Variants in CHL1 observed in about 807,000 individuals in gnomAD.
The protein encoded by CHL1 is neural cell adhesion molecule L1-like protein.
CHL1 carries 96 observed loss-of-function variants against 141.9 expected under a neutral mutation model. The observed-to-expected ratio is 0.68, with a 90% CI of 0.57 to 0.80. CHL1 has a LOEUF of 0.80. Among genes scored for constraint, CHL1 ranks in the 30% least tolerant of loss-of-function variants. The probability of loss-of-function intolerance (pLI) is 0.00; values close to 1 mark genes in which losing one functional copy is unlikely to be tolerated. For synonymous variants in CHL1, 613 were observed against 502.2 expected (o/e 1.22, Z -2.95); for missense variants, 1,820 against 1,457.2 (o/e 1.25, Z -4.05).
At chr3:362,900 T>G (rs1212372977) in intron 13 of CHL1, among the ~76,000 whole-genome samples, 1 of 152,206 alleles carries the variant, frequency 6.6e-6, no homozygotes, top group East Asian at 1.9e-4. Flanking sequence ...AATCATTAAC[T>G]AAAGAGTTCA....
intron 13 of CHL1, 138 bp downstream of exon 13, chr3:361,948 A>C: frequency 1.7e-6 from 1 of 600,600 alleles, no homozygotes; most frequent in Non-Finnish European, 3.0e-6. Context: ...AAGGTAACAA[A>C]CTTACCGGTC....
At position 390,773 on chromosome 3, in the gene CHL1, C is replaced by T. The variant is rs1559349927; in HGVS notation, c.2543C>T (p.Thr848Ile). 1 of 1,612,226 alleles carries T rather than the reference C, an allele frequency of 6.2e-7. No individual in the cohort carries two copies. The highest frequency in any genetic ancestry group is 8.5e-7 in the Non-Finnish European group (1 of 1,178,252). The change falls in exon 21 of 28, where the codon ACA becomes ATA. Residue 848 changes from threonine to isoleucine, a missense_variant. Coordinates refer to ENST00000256509, the MANE Select transcript of CHL1 (RefSeq NM_006614.4). ...ACATTAGTTAAAGTTACCTGGTCAA[C>T]AGTTCCAAAGGACAGAGTACATGGA... ...NSTLVKVTWSTVPKDRVHGRL... is the reference protein window; with the variant it reads ...NSTLVKVTWSIVPKDRVHGRL...
chr3:380,894 G>C (rs559267489), intron 16 of CHL1, among the ~76,000 whole-genome samples: 1 of 152,298 alleles, frequency 6.6e-6, no homozygotes, highest in African/African-American at 2.4e-5. Flanking sequence ...GTGAGGCACT[G>C]TGGGCAATGC....
chr3:391,344 T>C (rs1708214206), intron 22 of CHL1, among the ~76,000 whole-genome samples, 185 bp downstream of exon 22: 1 of 152,138 alleles, frequency 6.6e-6, no homozygotes, highest in African/African-American at 2.4e-5. Context: ...GATGAAATCC[T>C]GTCTCTATCA....
At chr3:360,204 G>T in intron 11 of CHL1, 80 bp from the exon 12 acceptor site, 2 of 1,496,290 alleles carry the variant, frequency 1.3e-6, no homozygotes, top group South Asian at 1.2e-5. Flanking sequence ...TATAAATACT[G>T]TGTGACACAT....
intron 2 of CHL1, among the ~76,000 whole-genome samples, chr3:260,559 C>A (rs1031061611): frequency 1.3e-5 from 2 of 152,146 alleles, no homozygotes; most frequent in Admixed American, 1.3e-4. Context: ...CATTCCGATA[C>A]CAGCACGACA....
In CHL1 at chr3:199,846, A is replaced by T. The variant is rs185513039; in HGVS notation, c.-175+2783A>T. 2.1e-3 allele frequency among the ~76,000 whole-genome samples: 320 copies of T among 152,338 alleles called. 3 individuals are homozygous for T. Among genetic ancestry groups the T allele is most frequent in the Admixed American group, 5.1e-3 (78 of 15,300 alleles). On this transcript the variant is annotated intron_variant, in intron 1 of 27. Coordinates refer to ENST00000256509, the MANE Select transcript of CHL1 (RefSeq NM_006614.4). ...TAGCCTGATTCGCTTTTATAGAAAAATAAGGGTAACGATCAAGACTGATTT... is the reference window on the plus strand; with the variant it reads ...TAGCCTGATTCGCTTTTATAGAAAATTAAGGGTAACGATCAAGACTGATTT...
chr3:239,115 C>G (rs553658548), intron 1 of CHL1, among the ~76,000 whole-genome samples: 1 of 152,038 alleles, frequency 6.6e-6, no homozygotes, highest in Non-Finnish European at 1.5e-5. Flanking sequence ...AGGGGGAACC[C>G]GGAGACTGAT....
chr3:283,346 G>C (rs1574953655), intron 2 of CHL1, among the ~76,000 whole-genome samples: 1 of 152,280 alleles, frequency 6.6e-6, no homozygotes, highest in East Asian at 1.9e-4. Context: ...GACATGATTA[G>C]ATAATACCAA....
chr3:213,888 T>G (rs1050153277), intron 1 of CHL1, among the ~76,000 whole-genome samples: 5 of 152,098 alleles, frequency 3.3e-5, no homozygotes, highest in Non-Finnish European at 5.9e-5. Flanking sequence ...TGAAAAAACT[T>G]TCTGATGTGA....
intron 11 of CHL1, among the ~76,000 whole-genome samples, chr3:355,732 C>T (rs1007218989): frequency 6.6e-6 from 1 of 152,056 alleles, no homozygotes; most frequent in African/African-American, 2.4e-5. Flanking sequence ...GTTTTTTAAA[C>T]TGCAAAATGG....
chr3:289,262 G>A (rs991947042), intron 2 of CHL1, among the ~76,000 whole-genome samples: 17 of 152,206 alleles, frequency 1.1e-4, no homozygotes, highest in African/African-American at 3.8e-4. Flanking sequence ...TTATCTTAAA[G>A]ACATAAAAAC....
In CHL1 at chr3:389,423, C is replaced by A; in HGVS notation, c.2419C>A (p.Leu807Ile). Reference sequence around the variant, plus strand: ...TGTCAAGGTCCAGGCTATCAATCAACTAGGATCTGGGCCTGACCCTCAGTC... The same window carrying A: ...TGTCAAGGTCCAGGCTATCAATCAAATAGGATCTGGGCCTGACCCTCAGTC... ...YDVKVQAINQ[L>I]GSGPDPQSVT... Residue 807 changes from leucine to isoleucine, a missense_variant, in exon 20 of 28, where the codon CTA becomes ATA. Physicochemically the swap from Leu to Ile is conservative, Grantham distance 5. Transcript: ENST00000256509. The A allele has an allele frequency of 6.2e-7, 1 of 1,614,224 alleles. No individual in the cohort carries two copies. Among genetic ancestry groups the A allele is most frequent in the Non-Finnish European group, 8.5e-7 (1 of 1,180,050 alleles).
intron 1 of CHL1, among the ~76,000 whole-genome samples, chr3:211,675 G>T (rs1039361061): frequency 1.3e-5 from 2 of 151,972 alleles, no homozygotes; most frequent in African/African-American, 4.8e-5. Context: ...TCACAGTCTT[G>T]CCAAAAAGCA....
chr3:340,257 TG>T (rs780893322), intron 5 of CHL1, among the ~76,000 whole-genome samples: 7 of 152,206 alleles, frequency 4.6e-5, no homozygotes, highest in Non-Finnish European at 1.0e-4. Flanking sequence ...TGGCTCTTTT[TG>T]CAACTTAAAG....
intron 27 of CHL1, among the ~76,000 whole-genome samples, chr3:404,998 G>C (rs578236190): frequency 6.6e-6 from 1 of 152,116 alleles, no homozygotes; most frequent in East Asian, 1.9e-4. Flanking sequence ...TCCTCACATC[G>C]TGAAAGGGGT....
At chr3:234,945 C>T (rs1691808050) in intron 1 of CHL1, among the ~76,000 whole-genome samples, 1 of 152,038 alleles carries the variant, frequency 6.6e-6, no homozygotes. Flanking sequence ...AGGCAGTTTT[C>T]ACATGTATTT....
At chr3:232,048 T>C (rs888141286) in intron 1 of CHL1, among the ~76,000 whole-genome samples, 5 of 152,210 alleles carry the variant, frequency 3.3e-5, no homozygotes, top group African/African-American at 1.2e-4. Flanking sequence ...CTTATCAGTA[T>C]TTGGCAGGAA....
chr3:396,415 G>C (rs1256880867), intron 24 of CHL1, among the ~76,000 whole-genome samples: 2 of 152,160 alleles, frequency 1.3e-5, no homozygotes, highest in Non-Finnish European at 2.9e-5. Flanking sequence ...CATGTGAAAT[G>C]CTGATCCCAT....
Sources: gnomAD v4.1 joint callset for allele counts (sites outside exome capture counted in the v4.1 genomes callset) on GRCh38, gnomAD v4.1.1 for gene constraint, MANE v1.5 for transcripts, NCBI Gene and HGNC (gene_info 2026-07-23, HGNC 2026-07-21) for gene names.